The following WDR59 variants were observed in gnomAD, a reference collection of about 807,000 sequenced individuals.
The protein encoded by WDR59 is WD repeat domain 59.
Under a neutral mutation model 131.2 loss-of-function variants are expected in WDR59, and 100 were observed. The observed-to-expected ratio is 0.76, with a 90% CI of 0.65 to 0.90. The LOEUF (loss-of-function observed/expected upper bound fraction) is 0.90, where lower values mean the gene tolerates loss of function less well. WDR59 is among the 40% of genes least tolerant of loss of function. The pLI, the probability that WDR59 is intolerant of heterozygous loss-of-function variation, is 0.00. For missense variants in WDR59, 1,203 were observed against 1,262.2 expected (o/e 0.95, Z 0.71); for synonymous variants, 601 against 466.2 (o/e 1.29, Z -3.72).
intron 7 of WDR59, among the ~76,000 whole-genome samples, chr16:74,939,599 G>A (rs574312341): frequency 2.9e-4 from 44 of 151,708 alleles, no homozygotes; most frequent in Admixed American, 2.0e-3. Flanking sequence ...TTGTCTCTGG[G>A]TAGTAGGATT....
At chr16:74,881,715 A>G (rs1312102088) in intron 25 of WDR59, among the ~76,000 whole-genome samples, 2 of 151,914 alleles carry the variant, frequency 1.3e-5, no homozygotes, top group Admixed American at 1.3e-4. Context: ...TCTACTAAAA[A>G]TTTAAAAATT....
chr16:74,895,758 G>T (rs189269615), intron 18 of WDR59, among the ~76,000 whole-genome samples: 81 of 152,296 alleles, frequency 5.3e-4, no homozygotes, highest in Non-Finnish European at 9.9e-4. Context: ...CCTGACATGG[G>T]TGTAAGTAAG....
chr16:74,957,081 CTTTT>C (rs34834142), intron 2 of WDR59, among the ~76,000 whole-genome samples: 2 of 123,942 alleles, frequency 1.6e-5, no homozygotes, highest in Non-Finnish European at 3.3e-5. Context: ...CTTTTTTTTT[CTTTT>C]TTTTTTTTTT....
rs142885312 is a variant in WDR59, at chr16:74,900,992, G to A, written c.1866+2955C>T. On this transcript the variant is annotated intron_variant, in intron 18 of 25. Transcript: ENST00000262144. Reference sequence around the variant, plus strand: ...TGGGCACCTGTAATCCCAGCTACTTGGGAGGCTAAGGCAGGAGAATCGCTT... The same window carrying A: ...TGGGCACCTGTAATCCCAGCTACTTAGGAGGCTAAGGCAGGAGAATCGCTT... 1.5e-3 allele frequency among the ~76,000 whole-genome samples: 227 copies of A among 152,326 alleles called. 2 individuals carry two copies. The highest frequency in any genetic ancestry group is 5.3e-3 in the African/African-American group (220 of 41,566).
At chr16:74,973,618 C>T (rs1461250198) in intron 1 of WDR59, among the ~76,000 whole-genome samples, 1 of 152,210 alleles carries the variant, frequency 6.6e-6, no homozygotes, top group Admixed American at 6.5e-5. Context: ...TTGTCTAATA[C>T]TCACTACACG....
chr16:74,912,181 G>C lies in WDR59; in HGVS notation c.1389+17C>G. On this transcript the variant is annotated intron_variant, in intron 14 of 25. Coordinates refer to ENST00000262144, the MANE Select transcript of WDR59 (RefSeq NM_030581.4). ...GATGCAGAACAGCAAGGAGAATTTG[G>C]GAACCCAGACCCCCACCTTCAGCAG... 1 of 1,614,134 alleles carries C rather than the reference G, an allele frequency of 6.2e-7. No homozygotes were observed. The highest frequency in any genetic ancestry group is 8.5e-7 in the Non-Finnish European group (1 of 1,180,010).
chr16:74,967,184 T>A (rs139535237), intron 1 of WDR59, among the ~76,000 whole-genome samples: 1 of 152,130 alleles, frequency 6.6e-6, no homozygotes, highest in Admixed American at 6.6e-5. Context: ...ACAAGTAACA[T>A]TGGGGACAAG....
chr16:74,972,908 C>T (rs538949129), intron 1 of WDR59, among the ~76,000 whole-genome samples: 50 of 148,884 alleles, frequency 3.4e-4, no homozygotes, highest in Non-Finnish European at 5.6e-4. Context: ...AGGGTCCGAC[C>T]ATTTCAGAGG....
chr16:74,959,511 C>A (rs900756287), intron 2 of WDR59: 5 of 452,146 alleles, frequency 1.1e-5, no homozygotes, highest in African/African-American at 1.0e-4. Flanking sequence ...CACACTGGAA[C>A]TCTTAGTGCT....
At chr16:74,946,352 A>G (rs1279711193) in intron 6 of WDR59, among the ~76,000 whole-genome samples, 1 of 152,164 alleles carries the variant, frequency 6.6e-6, no homozygotes, top group African/African-American at 2.4e-5. Context: ...TTACTATATT[A>G]AGTATCTCCT....
chr16:74,905,464 G>A (rs565441701), intron 17 of WDR59, among the ~76,000 whole-genome samples: 28 of 151,710 alleles, frequency 1.8e-4, no homozygotes, highest in Admixed American at 4.6e-4. Context: ...GGCAGATCAC[G>A]AGGTCAGGAA....
chr16:74,922,467 T>C (rs1448412780), intron 9 of WDR59, among the ~76,000 whole-genome samples: 2 of 152,234 alleles, frequency 1.3e-5, no homozygotes, highest in South Asian at 2.1e-4. Flanking sequence ...AGAATGAGCA[T>C]GCAGGGCTGA....
At chr16:74,907,992 A>T (rs567501287) in intron 17 of WDR59, among the ~76,000 whole-genome samples, 86 of 152,342 alleles carry the variant, frequency 5.6e-4, no homozygotes, top group African/African-American at 1.9e-3. Flanking sequence ...TATCTGCTAC[A>T]ATAGATTGCC....
At chr16:74,882,418 G>A (rs986514926) in intron 25 of WDR59, among the ~76,000 whole-genome samples, 3 of 151,910 alleles carry the variant, frequency 2.0e-5, no homozygotes, top group African/African-American at 7.3e-5. Flanking sequence ...CTAAACCTAC[G>A]TATTATTCTA....
At chr16:74,918,078 GGAGT>G in intron 10 of WDR59, 70 bp from the exon 11 acceptor site, 1 of 1,459,700 alleles carries the variant, frequency 6.9e-7, no homozygotes, top group Non-Finnish European at 9.6e-7. Flanking sequence ...AGGTTGAAAT[GGAGT>G]GAGATTCATC....
chr16:74,949,610 T>C, intron 5 of WDR59, 108 bp downstream of exon 5: 1 of 873,488 alleles, frequency 1.1e-6, no homozygotes, highest in Non-Finnish European at 1.8e-6. Flanking sequence ...CACTCAAACT[T>C]GTCTCGAGGT....
At chr16:74,882,764 C>T (rs1432538609) in intron 25 of WDR59, among the ~76,000 whole-genome samples, 1 of 118,362 alleles carries the variant, frequency 8.4e-6, no homozygotes, top group Non-Finnish European at 1.6e-5. Context: ...GAGCCGAGAT[C>T]GCATGATTGC....
At chr16:74,982,984 T>G (rs1031933738) in intron 1 of WDR59, among the ~76,000 whole-genome samples, 1 of 152,192 alleles carries the variant, frequency 6.6e-6, no homozygotes, top group African/African-American at 2.4e-5. Context: ...AGTAAATCCT[T>G]GTTGAATAAA....
intron 25 of WDR59, among the ~76,000 whole-genome samples, chr16:74,877,922 T>G (rs1044060873): frequency 6.6e-6 from 1 of 152,232 alleles, no homozygotes; most frequent in South Asian, 2.1e-4. Context: ...TAATAACTTA[T>G]GCTTATATCC....
Sources: gnomAD v4.1 joint callset for allele counts (sites outside exome capture counted in the v4.1 genomes callset) on GRCh38, gnomAD v4.1.1 for gene constraint, MANE v1.5 for transcripts, NCBI Gene and HGNC (gene_info 2026-07-23, HGNC 2026-07-21) for gene names.